ADCK1: variants seen among roughly 807,000 people sequenced by gnomAD.
ADCK1 encodes aarF domain-containing protein kinase 1.
ADCK1 carries 41 observed loss-of-function variants against 52.3 expected under a neutral mutation model. The ratio of observed to expected loss-of-function variants is 0.78; its 90% confidence interval spans 0.61 to 1.02. The LOEUF (loss-of-function observed/expected upper bound fraction) is 1.02, where lower values mean the gene tolerates loss of function less well. ADCK1 is among the 50% of genes least tolerant of loss of function. ADCK1 has a pLI of 0.00. For synonymous variants in ADCK1, 250 were observed against 274.6 expected (o/e 0.91, Z 0.89); for missense variants, 658 against 679.5 (o/e 0.97, Z 0.35).
At chr14:77,920,422 A>G (rs2084022433) in intron 7 of ADCK1, among the ~76,000 whole-genome samples, 1 of 151,832 alleles carries the variant, frequency 6.6e-6, no homozygotes, top group Admixed American at 6.6e-5. Context: ...ATTTGGCTTT[A>G]TTTCTTGGTT....
At position 77,933,409 on chromosome 14, in the gene ADCK1, G is replaced by C; in HGVS notation, c.*18G>C. On this transcript the variant is annotated 3_prime_UTR_variant, in exon 11 of 11. Coordinates refer to ENST00000238561, the MANE Select transcript of ADCK1 (RefSeq NM_020421.4). ...CACTCTGAGTGGAATTGCTCTCCCT[G>C]CCCCATTCTGGTGTCTTTCCACTCC... 2 of 1,611,292 alleles carry C rather than the reference G, an allele frequency of 1.2e-6. No homozygotes were observed. Among genetic ancestry groups the C allele is most frequent in the Admixed American group, 3.3e-5 (2 of 59,962 alleles).
intron 4 of ADCK1, among the ~76,000 whole-genome samples, chr14:77,872,763 C>T (rs541327492): frequency 9.2e-5 from 14 of 151,896 alleles, no homozygotes; most frequent in African/African-American, 3.4e-4. Context: ...CAACCTCCAC[C>T]TCCCGGGTTC....
At chr14:77,860,399 A>G (rs2082518587) in intron 4 of ADCK1, among the ~76,000 whole-genome samples, 1 of 152,210 alleles carries the variant, frequency 6.6e-6, no homozygotes, top group Non-Finnish European at 1.5e-5. Context: ...CAGAGGTTTG[A>G]TAAAGACCAG....
At chr14:77,892,605 T>C (rs1222918366) in intron 5 of ADCK1, among the ~76,000 whole-genome samples, 1 of 150,328 alleles carries the variant, frequency 6.7e-6, no homozygotes, top group East Asian at 1.9e-4. Context: ...TTCCTGGTGT[T>C]ACAAGTAGGG....
chr14:77,901,973 A>G (rs573072148), intron 6 of ADCK1, among the ~76,000 whole-genome samples: 5 of 152,262 alleles, frequency 3.3e-5, no homozygotes, highest in South Asian at 4.1e-4. Flanking sequence ...CAGGAGCTCC[A>G]TGTGCAGGTT....
intron 4 of ADCK1, among the ~76,000 whole-genome samples, chr14:77,872,027 G>A (rs2082789780): frequency 6.6e-6 from 1 of 152,154 alleles, no homozygotes; most frequent in Admixed American, 6.5e-5. Flanking sequence ...AGCAGCTTAC[G>A]CCTTCTGTCA....
chr14:77,852,920 T>TATATATATAG (rs2082342689), intron 3 of ADCK1, among the ~76,000 whole-genome samples: 1 of 79,764 alleles, frequency 1.3e-5, no homozygotes, highest in Non-Finnish European at 2.5e-5. Context: ...TTTTTTTTTT[T>TATATATATAG]TTTTTTTTTT....
intron 1 of ADCK1, among the ~76,000 whole-genome samples, chr14:77,807,038 CTTTTTTTTTT>C (rs770430499): frequency 6.0e-5 from 6 of 99,242 alleles, no homozygotes; most frequent in Non-Finnish European, 9.8e-5. Flanking sequence ...CTCTCTCTCT[CTTTTTTTTTT>C]TTTTTTTGGA....
chr14:77,852,903 ATATATT>A (rs2082336873), intron 3 of ADCK1, among the ~76,000 whole-genome samples: 1 of 29,440 alleles, frequency 3.4e-5, no homozygotes, highest in Non-Finnish European at 6.2e-5. Context: ...ATATATATAT[ATATATT>A]TTTTTTTTTT....
chr14:77,857,140 G>A (rs1018288954), intron 3 of ADCK1, among the ~76,000 whole-genome samples: 2 of 151,996 alleles, frequency 1.3e-5, no homozygotes, highest in Non-Finnish European at 2.9e-5. Context: ...GTTCAGGGCT[G>A]CAGCAGTCTC....
intron 7 of ADCK1, 181 bp from the exon 8 acceptor site, chr14:77,924,276 G>T: frequency 1.4e-6 from 1 of 736,400 alleles, no homozygotes; most frequent in Non-Finnish European, 2.1e-6. Flanking sequence ...TGCAGCTAAA[G>T]TTAAGAAATC....
At chr14:77,813,669 C>T (rs966994493) in intron 1 of ADCK1, among the ~76,000 whole-genome samples, 9 of 152,128 alleles carry the variant, frequency 5.9e-5, no homozygotes, top group Admixed American at 2.0e-4. Context: ...AGAGTGAATA[C>T]AGTCCTCTGG....
intron 4 of ADCK1, among the ~76,000 whole-genome samples, chr14:77,863,139 AAG>A (rs1272715679): frequency 6.6e-6 from 1 of 152,168 alleles, no homozygotes; most frequent in African/African-American, 2.4e-5. Flanking sequence ...TCACATTATG[AAG>A]GGCCTAGAAT....
chr14:77,803,140 C>T (rs1351278434), intron 1 of ADCK1, among the ~76,000 whole-genome samples: 1 of 152,056 alleles, frequency 6.6e-6, no homozygotes, highest in Non-Finnish European at 1.5e-5. Flanking sequence ...TATCAGGGAC[C>T]AGGTTCTTCT....
At chr14:77,888,222 G>T (rs995619039) in intron 5 of ADCK1, among the ~76,000 whole-genome samples, 1 of 152,150 alleles carries the variant, frequency 6.6e-6, no homozygotes, top group Non-Finnish European at 1.5e-5. Context: ...AGCCCCGCGG[G>T]TGTGAGGGCC....
At chr14:77,909,155 G>C (rs1440443876) in intron 7 of ADCK1, among the ~76,000 whole-genome samples, 3 of 133,798 alleles carry the variant, frequency 2.2e-5, no homozygotes, top group Non-Finnish European at 4.7e-5. Context: ...TTTTCCCTGA[G>C]ACGGAGTTTT....
At chr14:77,830,138 A>C (rs564727758) in intron 3 of ADCK1, among the ~76,000 whole-genome samples, 25 of 151,002 alleles carry the variant, frequency 1.7e-4, no homozygotes, top group African/African-American at 5.3e-4. Context: ...TGCATCATTA[A>C]ATTTTCTTTT....
chr14:77,911,913 TAAGTTTCCATGTG>T (rs2083800403), intron 7 of ADCK1, among the ~76,000 whole-genome samples: 2 of 152,136 alleles, frequency 1.3e-5, no homozygotes, highest in Admixed American at 1.3e-4. Context: ...TATACCTCAG[TAAGTTTCCATGTG>T]AATATAATAT....
chr14:77,899,314 A>G (rs2083479690), intron 6 of ADCK1, 56 bp downstream of exon 6: 1 of 1,593,374 alleles, frequency 6.3e-7, no homozygotes, highest in Non-Finnish European at 8.6e-7. Context: ...GTGTAGCGGT[A>G]TGTGGGTCCC....
Sources: allele counts gnomAD v4.1 joint callset (sites outside exome capture counted in the v4.1 genomes callset), GRCh38; gene constraint gnomAD v4.1.1; transcripts MANE v1.5; gene names NCBI Gene and HGNC (gene_info 2026-07-23, HGNC 2026-07-21).